ZNF695: variants seen among roughly 807,000 people sequenced by gnomAD.
ZNF695 encodes zinc finger protein 695, also known as zinc finger protein SBZF3.
ZNF695 carries 11 observed loss-of-function variants against 11.2 expected under a neutral mutation model. The observed-to-expected ratio is 0.98, with a 90% CI of 0.62 to 1.62. ZNF695 has a LOEUF of 1.62. Among genes scored for constraint, ZNF695 ranks in the 40% most tolerant of loss-of-function variants. ZNF695 has a pLI of 0.00. For missense variants in ZNF695, 559 were observed against 590.5 expected, an observed-to-expected ratio of 0.95 and a Z score of 0.55; for synonymous variants, 190 against 201.4, an observed-to-expected ratio of 0.94 and a Z score of 0.48.
intron 3 of ZNF695, 76 bp from the exon 4 acceptor site, chr1:246,988,331 C>T (rs1572526444): frequency 8.9e-7 from 1 of 1,120,132 alleles, no homozygotes; most frequent in Non-Finnish European, 1.2e-6. Flanking sequence ...TAAAATTATA[C>T]AAGCATATTA....
chr1:246,990,502 C>G lies in ZNF695; in HGVS notation c.260-2247G>C, dbSNP rs555282682. Among the ~76,000 whole-genome samples, 3 of 152,280 alleles carry G rather than the reference C, an allele frequency of 2.0e-5. No homozygotes were observed. In the South Asian group the frequency reaches 6.2e-4, roughly 32 times the overall value. ...TTATTAGAACTTTAAAGAGAGGCCC[C>G]AGTACAGTAACCGCTATATACTTCA... On this transcript the variant is annotated intron_variant, in intron 3 of 3. Transcript: ENST00000339986.
At chr1:246,968,432 T>C (rs149964514) in intron 4 of ZNF695, 2 of 152,482 alleles carry the variant, frequency 1.3e-5, no homozygotes, top group African/African-American at 4.8e-5. Context: ...TAGTGCCCCA[T>C]GGCCGCTCTC....
intron 4 of ZNF695, among the ~76,000 whole-genome samples, chr1:246,977,192 C>T (rs541252890): frequency 6.6e-6 from 1 of 152,182 alleles, no homozygotes; most frequent in African/African-American, 2.4e-5. Context: ...TCAGTGCCCA[C>T]TGGTATTTTA....
At chr1:247,006,340 C>T (rs762487729) in intron 1 of ZNF695, among the ~76,000 whole-genome samples, 3 of 151,884 alleles carry the variant, frequency 2.0e-5, no homozygotes, top group Admixed American at 6.6e-5. Flanking sequence ...AAGCCGGGCG[C>T]GGTGGTTCAT....
chr1:246,988,861 C>T lies in ZNF695; in HGVS notation c.260-606G>A, dbSNP rs182734993. On this transcript the variant is annotated intron_variant, in intron 3 of 3. Transcript: ENST00000339986. ...ATCCCAGCACTTTGGGAGGCCGAGA[C>T]GGGCGGATCACGAGGTCAGGAGATC... is the stretch of plus-strand genomic sequence containing the variant. 7.0e-3 allele frequency among the ~76,000 whole-genome samples: 1,066 copies of T among 152,074 alleles called. 10 individuals carry two copies. The highest frequency in any genetic ancestry group is 0.01 in the Middle Eastern group (3 of 294).
intron 1 of ZNF695, among the ~76,000 whole-genome samples, chr1:247,006,120 G>A (rs1669526289): frequency 6.6e-6 from 1 of 151,862 alleles, no homozygotes; most frequent in Non-Finnish European, 1.5e-5. Flanking sequence ...AGCTACTCGG[G>A]AGGCTGAGAC....
intron 4 of ZNF695, among the ~76,000 whole-genome samples, chr1:246,973,566 TA>T (rs917693766): frequency 1.5e-4 from 23 of 152,106 alleles, no homozygotes; most frequent in African/African-American, 5.3e-4. Context: ...GATTTAACTA[TA>T]AAAAAATGAT....
intron 5 of ZNF695, among the ~76,000 whole-genome samples, chr1:246,963,185 A>T (rs763125747): frequency 6.6e-6 from 1 of 151,988 alleles, no homozygotes; most frequent in Non-Finnish European, 1.5e-5. Context: ...TCCTTCACTA[A>T]CTAGCTCACC....
At chr1:246,996,050 A>G (rs1385921504) in intron 3 of ZNF695, 1 of 453,676 alleles carries the variant, frequency 2.2e-6, no homozygotes, top group Non-Finnish European at 4.4e-6. Context: ...AATATAATTC[A>G]GAATACACAA....
intron 1 of ZNF695, among the ~76,000 whole-genome samples, chr1:247,006,607 G>A (rs1168996955): frequency 6.6e-6 from 1 of 152,210 alleles, no homozygotes; most frequent in East Asian, 1.9e-4. Context: ...GCAACAGAGT[G>A]AGACTTCGTC....
intron 5 of ZNF695, among the ~76,000 whole-genome samples, chr1:246,953,484 G>T (rs894246394): frequency 6.6e-6 from 1 of 151,990 alleles, no homozygotes; most frequent in Non-Finnish European, 1.5e-5. Flanking sequence ...GGTGGCACAC[G>T]CCTGTAGTCC....
intron 1 of ZNF695, among the ~76,000 whole-genome samples, chr1:247,006,456 C>G (rs1669543665): frequency 6.6e-6 from 1 of 151,822 alleles, no homozygotes; most frequent in South Asian, 2.1e-4. Context: ...ACTAAAAATA[C>G]AAAAATTAGC....
chr1:247,002,032 C>T (rs1669402143), intron 1 of ZNF695, among the ~76,000 whole-genome samples: 1 of 152,076 alleles, frequency 6.6e-6, no homozygotes, highest in Non-Finnish European at 1.5e-5. Context: ...AACACAATGC[C>T]CATTCTTCTC....
At chr1:246,975,815 C>T (rs748445470) in intron 4 of ZNF695, among the ~76,000 whole-genome samples, 18 of 151,944 alleles carry the variant, frequency 1.2e-4, no homozygotes, top group Non-Finnish European at 2.1e-4. Flanking sequence ...AAAGAAAAAT[C>T]GAAGACAACT....
In ZNF695 at chr1:247,008,047, A is replaced by T; in HGVS notation, c.-139T>A. 1.1e-6 allele frequency: 1 copy of T among 915,698 alleles called. No individual in the cohort carries two copies. The highest frequency in any genetic ancestry group is 1.5e-6 in the Non-Finnish European group (1 of 671,498). 56.7% of individuals were successfully genotyped at this position (915,698 alleles called of 1,614,324 possible). On this transcript the variant is annotated 5_prime_UTR_variant, in exon 1 of 4. The change creates a new upstream start codon in the 5' untranslated region. Transcript: ENST00000339986. ...GGAACCCAGCACCCCGCCGGCCGCA[A>T]GGAGACAAAGGCCCCGCCAGATCCC...
intron 3 of ZNF695, among the ~76,000 whole-genome samples, chr1:246,996,908 G>A (rs1669228867): frequency 1.3e-5 from 2 of 152,130 alleles, no homozygotes; most frequent in South Asian, 2.1e-4. Context: ...CATGTCTACT[G>A]CAAGTAGATT....
At position 246,958,072 on chromosome 1, in the gene ZNF695, T is replaced by G. The variant is rs185033664; in HGVS notation, c.488+9623A>C. On this transcript the variant is annotated intron_variant, in intron 5 of 5. Transcript: ENST00000487338. ...TTGTTTTGTTTTTGTTTTTGTTTTTTTTTTGAGACAGAGTCTTGCTCTGTC... is the reference window on the plus strand; with the variant it reads ...TTGTTTTGTTTTTGTTTTTGTTTTTGTTTTGAGACAGAGTCTTGCTCTGTC... Among the ~76,000 whole-genome samples, 215 of 151,864 alleles carry G rather than the reference T, an allele frequency of 1.4e-3. 1 individual carries two copies. The highest frequency in any genetic ancestry group is 3.3e-3 in the African/African-American group (137 of 41,380).
At chr1:246,953,346 C>T (rs1363390362) in intron 5 of ZNF695, among the ~76,000 whole-genome samples, 6 of 152,096 alleles carry the variant, frequency 3.9e-5, no homozygotes, top group Non-Finnish European at 5.9e-5. Context: ...AAGTGGGCCA[C>T]GCCTGTAATC....
rs1395103928 is a variant in ZNF695 at position 246,999,372 on chromosome 1, T to C, written c.235A>G (p.Thr79Ala). The C allele has an allele frequency of 6.2e-7, 1 of 1,614,070 alleles. No individual in the cohort carries two copies. Among genetic ancestry groups the C allele is most frequent in the Non-Finnish European group, 8.5e-7 (1 of 1,179,970 alleles). The part of the protein sequence containing the change: ...EARKEPWNVN[T>A]EKTARHSVLS... ...CCTGAGTGTCTGGCTGTCTTCTCTG[T>C]GTTCACGTTCCAGGGCTCTTTCCTT... The change falls in exon 3 of 4, where the codon ACA becomes GCA. Residue 79 changes from threonine to alanine, a missense_variant. Transcript: ENST00000339986.
Sources: gnomAD v4.1 joint callset for allele counts (sites outside exome capture counted in the v4.1 genomes callset) on GRCh38, gnomAD v4.1.1 for gene constraint, MANE v1.5 for transcripts, NCBI Gene and HGNC (gene_info 2026-07-23, HGNC 2026-07-21) for gene names.